CDH13: variants seen among roughly 807,000 people sequenced by gnomAD.
The protein encoded by CDH13 is cadherin-13.
Under a neutral mutation model 63.8 loss-of-function variants are expected in CDH13, and 24 were observed. That is an observed-to-expected ratio of 0.38 (90% CI 0.27 to 0.53). The LOEUF (loss-of-function observed/expected upper bound fraction) is 0.53. Ranked by LOEUF, CDH13 falls within the 20% of genes least tolerant of loss-of-function variation. The pLI is 0.85. For missense variants in CDH13, 1,049 were observed against 903.1 expected, an observed-to-expected ratio of 1.16 and a Z score of -2.07; for synonymous variants, 503 against 355.3, an observed-to-expected ratio of 1.42 and a Z score of -4.67.
At chr16:82,919,481 T>A (rs1312353239) in intron 2 of CDH13, among the ~76,000 whole-genome samples, 1 of 152,228 alleles carries the variant, frequency 6.6e-6, no homozygotes, top group Non-Finnish European at 1.5e-5. Flanking sequence ...TGTTCTTGTG[T>A]TAGCTTGCTA....
At position 83,381,504 on chromosome 16, in the gene CDH13, C is replaced by T. The variant is rs573845273; in HGVS notation, c.781+36498C>T. ...ACCCTCAAAGCCCTGGGATGCAGTT[C>T]TTCTGGATCTCAAGTCTTGAACACA... On this transcript the variant is annotated intron_variant, in intron 6 of 13. Coordinates refer to ENST00000567109, the MANE Select transcript of CDH13 (RefSeq NM_001257.5). 1.3e-4 allele frequency among the ~76,000 whole-genome samples: 20 copies of T among 152,106 alleles called. No homozygotes were observed. The South Asian group carries it at 3.7e-3, about 29-fold the overall frequency.
intron 5 of CDH13, among the ~76,000 whole-genome samples, chr16:83,320,239 T>G: frequency 6.6e-6 from 1 of 151,242 alleles, no homozygotes; most frequent in South Asian, 2.1e-4. Context: ...AGAAACAGGG[T>G]CTCATTCTGT....
rs949720411 is a variant in CDH13, at chr16:83,238,260, A to G, written c.636+20763A>G. The stretch of plus-strand genomic sequence containing the variant: ...AGAGATTTAGTGGACTTACAGTTCC[A>G]CATGTCTGGGGAGGCCTCCCAATCA... On this transcript the variant is annotated intron_variant, in intron 5 of 13. Transcript: ENST00000567109. Among the ~76,000 whole-genome samples the G allele has an allele frequency of 1.3e-5, 2 of 151,824 alleles. 1 individual carries two copies. Among genetic ancestry groups the G allele is most frequent in the Admixed American group, 1.3e-4 (2 of 15,226 alleles).
At chr16:83,323,836 C>T (rs568529458) in intron 5 of CDH13, among the ~76,000 whole-genome samples, 1 of 152,252 alleles carries the variant, frequency 6.6e-6, no homozygotes, top group Admixed American at 6.5e-5. Flanking sequence ...CTACATGTTT[C>T]AGAAGGATCT....
chr16:83,535,895 G>C (rs2075174841), intron 7 of CDH13, among the ~76,000 whole-genome samples: 1 of 142,560 alleles, frequency 7.0e-6, no homozygotes. Context: ...GAGAAACAAA[G>C]AAAAGAAAAG....
At chr16:83,016,950 T>C (rs1354571462) in intron 2 of CDH13, among the ~76,000 whole-genome samples, 2 of 152,226 alleles carry the variant, frequency 1.3e-5, no homozygotes, top group African/African-American at 4.8e-5. Flanking sequence ...GTGTTTTATT[T>C]GATGCGATCT....
At chr16:83,098,561 T>G (rs1391797278) in intron 3 of CDH13, among the ~76,000 whole-genome samples, 1 of 152,228 alleles carries the variant, frequency 6.6e-6, no homozygotes, top group East Asian at 1.9e-4. Context: ...CCTTCGCCTT[T>G]TGTATGTGCA....
chr16:83,258,533 G>A (rs1016055882), intron 5 of CDH13, among the ~76,000 whole-genome samples: 1 of 152,160 alleles, frequency 6.6e-6, no homozygotes, highest in African/African-American at 2.4e-5. Context: ...TGAAAGATTG[G>A]GTACACAGTG....
chr16:83,480,253 C>T (rs1279872700), intron 6 of CDH13, among the ~76,000 whole-genome samples: 4 of 152,144 alleles, frequency 2.6e-5, no homozygotes, highest in African/African-American at 9.7e-5. Flanking sequence ...GAGGTCAAGG[C>T]TGCAGTGAGC....
At chr16:83,062,423 C>T (rs1325284263) in intron 3 of CDH13, among the ~76,000 whole-genome samples, 2 of 152,148 alleles carry the variant, frequency 1.3e-5, no homozygotes, top group Non-Finnish European at 2.9e-5. Context: ...CGTAGTGCTT[C>T]AGTAAGAAGT....
chr16:83,442,294 G>A (rs1160652589), intron 6 of CDH13, among the ~76,000 whole-genome samples: 4 of 152,180 alleles, frequency 2.6e-5, no homozygotes, highest in Non-Finnish European at 5.9e-5. Context: ...CAGCCTTGAC[G>A]AGTGCAGGAT....
chr16:82,864,374 A>G (rs1412629612), intron 2 of CDH13, among the ~76,000 whole-genome samples: 2 of 152,158 alleles, frequency 1.3e-5, no homozygotes, highest in Non-Finnish European at 2.9e-5. Flanking sequence ...GAGATGGGGT[A>G]ATTTATACAG....
In CDH13 at chr16:82,891,043, T is replaced by C. The variant is rs1012589203; in HGVS notation, c.157+32570T>C. Among the ~76,000 whole-genome samples, 4 of 64,082 alleles carry C rather than the reference T, an allele frequency of 6.2e-5. No individual in the cohort carries two copies. In the South Asian group the frequency reaches 2.3e-3, roughly 36 times the overall value. 42.0% of individuals were successfully genotyped at this position (64,082 alleles called of 152,430 possible). On this transcript the variant is annotated intron_variant, in intron 2 of 13. Transcript: ENST00000567109. ...CATTAAGTCATAGAGGAGGGTTTTTTTTTTTTTTTTTAAGTTTTGTTGTTG... is the reference window on the plus strand; with the variant it reads ...CATTAAGTCATAGAGGAGGGTTTTTCTTTTTTTTTTTAAGTTTTGTTGTTG...
chr16:83,080,734 G>C (rs2033169496), intron 3 of CDH13, among the ~76,000 whole-genome samples: 1 of 151,848 alleles, frequency 6.6e-6, no homozygotes, highest in African/African-American at 2.4e-5. Context: ...GGCGGCAATG[G>C]GGGGTGACTT....
At chr16:83,273,629 C>T (rs1394795158) in intron 5 of CDH13, among the ~76,000 whole-genome samples, 2 of 152,162 alleles carry the variant, frequency 1.3e-5, no homozygotes, top group East Asian at 3.9e-4. Context: ...AAGAAGCCAA[C>T]AGGGAGGCCC....
intron 2 of CDH13, among the ~76,000 whole-genome samples, chr16:82,918,732 T>C (rs1214274162): frequency 6.6e-6 from 1 of 152,008 alleles, no homozygotes; most frequent in Non-Finnish European, 1.5e-5. Context: ...TGGTCTTGAA[T>C]TCCTGACCTC....
chr16:83,372,747 T>C (rs1211139345), intron 6 of CDH13, among the ~76,000 whole-genome samples: 6 of 73,058 alleles, frequency 8.2e-5, no homozygotes, highest in Admixed American at 5.5e-4. Flanking sequence ...CGAGACTCGG[T>C]CTAAAAAAAA....
intron 7 of CDH13, among the ~76,000 whole-genome samples, chr16:83,538,834 G>T (rs1807311562): frequency 6.6e-6 from 1 of 152,136 alleles, no homozygotes; most frequent in Non-Finnish European, 1.5e-5. Flanking sequence ...CCTGGAAGTG[G>T]AATTCCTGGT....
chr16:83,126,810 G>A (rs991757864), intron 4 of CDH13, among the ~76,000 whole-genome samples: 5 of 152,208 alleles, frequency 3.3e-5, no homozygotes, highest in African/African-American at 1.2e-4. Flanking sequence ...CATGTGATAT[G>A]CTGGACTCCA....
Sources: gnomAD v4.1 joint callset for allele counts (sites outside exome capture counted in the v4.1 genomes callset) on GRCh38, gnomAD v4.1.1 for gene constraint, MANE v1.5 for transcripts, NCBI Gene and HGNC (gene_info 2026-07-23, HGNC 2026-07-21) for gene names.